The following COL22A1 variants were observed in gnomAD, a reference collection of about 807,000 sequenced individuals.
COL22A1 encodes the protein collagen type XXII alpha 1 chain.
COL22A1 carries 221 observed loss-of-function variants against 248.9 expected under a neutral mutation model. The ratio of observed to expected loss-of-function variants is 0.89; its 90% CI spans 0.80 to 0.99. The LOEUF (loss-of-function observed/expected upper bound fraction) is 0.99, where lower values mean the gene tolerates loss of function less well. COL22A1 is among the 50% of genes least tolerant of loss of function. COL22A1 has a pLI of 0.00. For synonymous variants in COL22A1, 891 were observed against 793.4 expected, an observed-to-expected ratio of 1.12 and a Z score of -2.07; for missense variants, 2,240 against 2,179.0, an observed-to-expected ratio of 1.03 and a Z score of -0.56.
intron 4 of COL22A1, among the ~76,000 whole-genome samples, chr8:138,840,182 T>G (rs1820776295): frequency 6.6e-6 from 1 of 152,100 alleles, no homozygotes; most frequent in Admixed American, 6.5e-5. Flanking sequence ...ATTGGCAAAT[T>G]TGAGGCTCCA....
intron 3 of COL22A1, among the ~76,000 whole-genome samples, chr8:138,866,781 AT>A: frequency 6.6e-6 from 1 of 151,644 alleles, no homozygotes; most frequent in African/African-American, 2.4e-5. Flanking sequence ...GGAGGGTGTA[AT>A]GGTTTTTTAA....
chr8:138,871,539 T>C (rs376965365), intron 3 of COL22A1, among the ~76,000 whole-genome samples: 2 of 152,314 alleles, frequency 1.3e-5, no homozygotes, highest in South Asian at 2.1e-4. Flanking sequence ...CCACATGAAA[T>C]GACCTAGCCC....
Position 138,766,294 on chromosome 8 carries a change from G to A in COL22A1, c.1804-3828C>T, listed in dbSNP as rs1364035908. On this transcript the variant is annotated intron_variant, in intron 16 of 64. Transcript: ENST00000303045. Reference sequence around the variant, plus strand: ...GCACAGAGAGGGCCTGGCTGGACCTGGGGGCAGCAGTCTGCACTGCTGGCC... The same window carrying A: ...GCACAGAGAGGGCCTGGCTGGACCTAGGGGCAGCAGTCTGCACTGCTGGCC... Among the ~76,000 whole-genome samples, 3 of 152,202 alleles carry A rather than the reference G, an allele frequency of 2.0e-5. No individual in the cohort carries two copies. The East Asian group carries it at 5.8e-4, about 29-fold the overall frequency.
chr8:138,634,738 T>C (rs1301736107), intron 49 of COL22A1, among the ~76,000 whole-genome samples: 2 of 152,082 alleles, frequency 1.3e-5, no homozygotes, highest in East Asian at 3.9e-4. Flanking sequence ...AAGCTCAATT[T>C]GAAAAAAGAA....
In COL22A1 at chr8:138,596,944, C is replaced by G; in HGVS notation, c.4392G>C (p.Leu1464=). The change falls in exon 62 of 65, where the codon CTG becomes CTC. Residue 1464 remains leucine, a synonymous_variant. Coordinates refer to ENST00000303045, the MANE Select transcript of COL22A1 (RefSeq NM_152888.3). ...LRGESPSMET[L]RRLIQEELGK... ...CCAGCTCTTCTTGAATAAGCCGACG[C>G]AGGGTTTCCATGGATGGAGACTCCC... The G allele has an allele frequency of 6.2e-7, 1 of 1,614,058 alleles. No homozygotes were observed. The highest frequency in any genetic ancestry group is 8.5e-7 in the Non-Finnish European group (1 of 1,179,960).
chr8:138,628,751 G>T (rs972273754), intron 50 of COL22A1, among the ~76,000 whole-genome samples: 5 of 119,566 alleles, frequency 4.2e-5, no homozygotes, highest in African/African-American at 1.1e-4. Context: ...TTATATCCTA[G>T]ATCCACATCT....
chr8:138,656,448 G>C lies in COL22A1; in HGVS notation c.3286-504C>G, dbSNP rs548751007. On this transcript the variant is annotated intron_variant, in intron 44 of 64. Transcript: ENST00000303045. ...CGTCATTTGTCATTATGGCTTAAAAGTCTTTAATTCCAGAAAGGGTATTTC... is the reference window on the plus strand; with the variant it reads ...CGTCATTTGTCATTATGGCTTAAAACTCTTTAATTCCAGAAAGGGTATTTC... Among the ~76,000 whole-genome samples the C allele has an allele frequency of 3.3e-5, 5 of 152,302 alleles. No individual in the cohort carries two copies. In the East Asian group the frequency reaches 9.6e-4, roughly 29 times the overall value.
At chr8:138,893,122 A>T (rs1398040260) in intron 1 of COL22A1, among the ~76,000 whole-genome samples, 2 of 152,242 alleles carry the variant, frequency 1.3e-5, no homozygotes, top group Non-Finnish European at 2.9e-5. Context: ...CTTGGAGCCC[A>T]ACCAAGCTTG....
intron 10 of COL22A1, among the ~76,000 whole-genome samples, chr8:138,803,524 A>AAAAATAAAAT (rs55672917): frequency 1.3e-5 from 2 of 151,950 alleles, no homozygotes; most frequent in African/African-American, 4.8e-5. Context: ...AGTATAATAA[A>AAAAATAAAAT]AAAATAAAAT....
At chr8:138,839,713 T>TG (rs969790781) in intron 4 of COL22A1, among the ~76,000 whole-genome samples, 4 of 152,122 alleles carry the variant, frequency 2.6e-5, no homozygotes, top group African/African-American at 7.2e-5. Flanking sequence ...ATTATCTGGA[T>TG]GGGGGGCCCA....
At chr8:138,863,094 G>C (rs149531509) in intron 3 of COL22A1, among the ~76,000 whole-genome samples, 2 of 152,342 alleles carry the variant, frequency 1.3e-5, no homozygotes, top group African/African-American at 4.8e-5. Context: ...GAGTTAAGAT[G>C]TTTAAAAGAT....
At chr8:138,611,136 C>T (rs1261516463) in intron 56 of COL22A1, among the ~76,000 whole-genome samples, 2 of 152,206 alleles carry the variant, frequency 1.3e-5, no homozygotes, top group Admixed American at 6.5e-5. Flanking sequence ...AGAATTTGAT[C>T]GCTGCCCTAT....
chr8:138,664,194 TGCGC>T (rs150972699), intron 41 of COL22A1, among the ~76,000 whole-genome samples: 875 of 85,340 alleles, frequency 0.01, 7 homozygotes, highest in Middle Eastern at 0.042. Context: ...CAACAAGGGG[TGCGC>T]GCGCGCGCGC....
intron 53 of COL22A1, among the ~76,000 whole-genome samples, chr8:138,618,507 C>G (rs930013936): frequency 6.6e-6 from 1 of 152,188 alleles, no homozygotes; most frequent in South Asian, 2.1e-4. Flanking sequence ...ATCACTAGCT[C>G]AGTGTTGCAA....
chr8:138,833,031 C>A lies in COL22A1; in HGVS notation c.845+8G>T. 6.4e-7 allele frequency: 1 copy of A among 1,570,964 alleles called. No individual in the cohort carries two copies. Among genetic ancestry groups the A allele is most frequent in the South Asian group, 1.1e-5 (1 of 90,234 alleles). On this transcript the variant is annotated splice_region_variant and intron_variant, in intron 5 of 64. Coordinates refer to ENST00000303045, the MANE Select transcript of COL22A1 (RefSeq NM_152888.3). ...TGGGCAGGTCTGGAAAGAGAAGTGG[C>A]CACTCACTCAGTACTTTGCACCACA... is the stretch of plus-strand genomic sequence containing the variant.
intron 47 of COL22A1, among the ~76,000 whole-genome samples, chr8:138,639,430 T>C (rs1165144741): frequency 1.3e-5 from 2 of 152,208 alleles, no homozygotes; most frequent in Non-Finnish European, 2.9e-5. Flanking sequence ...ATGCTGAGCA[T>C]AGGCCAGACA....
At chr8:138,623,041 C>T (rs1438239031) in intron 52 of COL22A1, among the ~76,000 whole-genome samples, 1 of 151,886 alleles carries the variant, frequency 6.6e-6, no homozygotes, top group Non-Finnish European at 1.5e-5. Flanking sequence ...TCAGTGAGCA[C>T]AGCTTTGAAG....
At chr8:138,762,086 C>T (rs6577944) in intron 17 of COL22A1, among the ~76,000 whole-genome samples, 84,901 of 152,102 alleles carry the variant, frequency 0.56, 25,408 homozygotes, top group East Asian at 0.8. Context: ...GTCTTGAATC[C>T]TTCCCTCTGG....
chr8:138,725,688 T>C lies in COL22A1; in HGVS notation c.2140-248A>G, dbSNP rs73443092. On this transcript the variant is annotated intron_variant, in intron 23 of 64. Coordinates refer to ENST00000303045, the MANE Select transcript of COL22A1 (RefSeq NM_152888.3). ...ATGCCATCGCCTGTAATATTATCTA[T>C]TCTGCTATATATTCAAAATGTTTGA... Among the ~76,000 whole-genome samples the C allele has an allele frequency of 2.8e-3, 419 of 152,346 alleles. 2 individuals carry two copies. The highest frequency in any genetic ancestry group is 9.6e-3 in the African/African-American group (397 of 41,570).
Sources: gnomAD v4.1 joint callset for allele counts (sites outside exome capture counted in the v4.1 genomes callset) on GRCh38, gnomAD v4.1.1 for gene constraint, MANE v1.5 for transcripts, NCBI Gene and HGNC (gene_info 2026-07-23, HGNC 2026-07-21) for gene names.